ESAM: variants seen among roughly 807,000 people sequenced by gnomAD.
The protein encoded by ESAM is endothelial cell adhesion molecule.
A neutral mutation model predicts 31.8 loss-of-function variants in ESAM; 23 were observed. That is an observed-to-expected ratio of 0.72 (90% CI 0.52 to 1.03). ESAM has a LOEUF of 1.03. Among genes scored for constraint, ESAM ranks in the 50% least tolerant of loss-of-function variants. The pLI, the probability that ESAM is intolerant of heterozygous loss-of-function variation, is 0.00. For synonymous variants in ESAM, 216 were observed against 207.2 expected (o/e 1.04, Z -0.37); for missense variants, 478 against 488.9 (o/e 0.98, Z 0.21).
rs765306132 is a variant in ESAM, at chr11:124,753,870, G to C, written c.949C>G (p.Arg317Gly). ...NGTLSSVTSA[R>G]ALRPPHGPPR... ...GGGCCATGGGGTGGCCGGAGGGCTCGTGCGGAGGTGACAGAGGAAAGGGTC... is the reference window on the plus strand; with the variant it reads ...GGGCCATGGGGTGGCCGGAGGGCTCCTGCGGAGGTGACAGAGGAAAGGGTC... The change falls in exon 7 of 7, where the codon CGA (arginine) becomes GGA (glycine). Residue 317 changes from arginine (R) to glycine (G), a missense_variant. Arg to Gly is a moderately radical substitution (Grantham distance 125). Coordinates refer to ENST00000278927, the MANE Select transcript of ESAM (RefSeq NM_138961.3). 92 of 1,613,924 alleles carry C rather than the reference G, an allele frequency of 5.7e-5. No homozygotes were observed. In the East Asian group the frequency reaches 2.0e-3, roughly 34 times the overall value.
Position 124,753,803 on chromosome 11 carries a change from C to T in ESAM, c.1016G>A (p.Ser339Asn). 1 of 1,613,320 alleles carries T rather than the reference C, an allele frequency of 6.2e-7. No homozygotes were observed. ...GALTPTPSLS[S>N]QALPSPRLPT... ...CAGTCTTGGTGAGGGCAGGGCCTGGCTGGAGAGACTGGGCGTGGGGGTCAA... is the reference window on the plus strand; with the variant it reads ...CAGTCTTGGTGAGGGCAGGGCCTGGTTGGAGAGACTGGGCGTGGGGGTCAA... Residue 339 changes from serine to asparagine, a missense_variant, in exon 7 of 7, where the codon AGC (serine) becomes AAC (asparagine). By Grantham distance (46) the Ser-to-Asn change is conservative. Coordinates refer to ENST00000278927, the MANE Select transcript of ESAM (RefSeq NM_138961.3).
chr11:124,760,476 C>A (rs1052793031), intron 1 of ESAM, among the ~76,000 whole-genome samples: 6 of 152,266 alleles, frequency 3.9e-5, no homozygotes, highest in African/African-American at 1.4e-4. Context: ...GAAACTCCCC[C>A]CGCGGGCTTC....
intron 2 of ESAM, chr11:124,757,038 T>C: frequency 2.6e-6 from 1 of 380,566 alleles, no homozygotes; most frequent in Non-Finnish European, 4.9e-6. Context: ...GGTATGTATA[T>C]ATGCAACTCA....
chr11:124,756,169 C>T (rs771322750), intron 4 of ESAM, 38 bp downstream of exon 4: 1 of 1,612,062 alleles, frequency 6.2e-7, no homozygotes, highest in Non-Finnish European at 8.5e-7. Context: ...TTCCCCTTCC[C>T]CAGCCACAGT....
Position 124,753,766 on chromosome 11 carries a change from A to G in ESAM, c.1053T>C (p.Asp351=), listed in dbSNP as rs2134456364. The G allele has an allele frequency of 6.2e-7, 1 of 1,614,072 alleles. No homozygotes were observed. The highest frequency in any genetic ancestry group is 8.5e-7 in the Non-Finnish European group (1 of 1,179,980). The change falls in exon 7 of 7, where the codon GAT becomes GAC. Residue 351 remains aspartate (D), a synonymous_variant. Coordinates refer to ENST00000278927, the MANE Select transcript of ESAM (RefSeq NM_138961.3). ...ALPSPRLPTT[D]GAHPQPISPI... ...GGGATATTGGTTGAGGGTGGGCCCCATCTGTCGTGGGCAGTCTTGGTGAGG... is the reference window on the plus strand; with the variant it reads ...GGGATATTGGTTGAGGGTGGGCCCCGTCTGTCGTGGGCAGTCTTGGTGAGG...
rs1309430683 is a variant in ESAM, at chr11:124,758,357, C to T, written c.241G>A (p.Glu81Lys). Residue 81 changes from glutamate to lysine, a missense_variant, in exon 2 of 7, where the codon GAG becomes AAG. Transcript: ENST00000278927. ...AGGCGTTCTTCCCTCACCTGATCCT[C>T]CTTTTCTTTCTGTTTGAAGAACCAC... ...VMWFFKQKEK[E>K]DQVLSYINGV... The T allele has an allele frequency of 1.1e-5, 17 of 1,614,076 alleles. No homozygotes were observed. Among genetic ancestry groups the T allele is most frequent in the Non-Finnish European group, 1.4e-5 (17 of 1,180,042 alleles).
Position 124,753,479 on chromosome 11 carries a change from G to C in ESAM, c.*167C>G. ...CTTCCTCTTCTCCTTCTGTCTCCTG[G>C]ACACTTAGGTCTTACTGAGATGGTT... On this transcript the variant is annotated 3_prime_UTR_variant, in exon 7 of 7. Transcript: ENST00000278927. 1.4e-6 allele frequency: 1 copy of C among 710,752 alleles called. No homozygotes were observed. The highest frequency in any genetic ancestry group is 2.3e-6 in the Non-Finnish European group (1 of 443,664). The allele number at this position is 710,752 out of a possible 1,614,324, so 44.0% of individuals were successfully genotyped here.
rs116478728 is a variant in ESAM at position 124,754,339 on chromosome 11, C to T, written c.732G>A (p.Gly244=). Residue 244 remains glycine, a splice_region_variant and synonymous_variant, in exon 6 of 7, where the codon GGG becomes GGA. Transcript: ENST00000278927. The surrounding 1 kb of genome is among the most constrained non-coding windows in gnomAD (Gnocchi z 4.5). ...CTCCAGCAACCACTGCAGCTCCAGG[C>T]CCTGGAAAAGGCGTCGTGTCAGAGG... ...QCNVTLEVST[G]PGAAVVAGAV... 1.2e-3 allele frequency: 1,980 copies of T among 1,613,876 alleles called. 26 individuals are homozygous for T. In the African/African-American group the frequency reaches 0.024, roughly 19 times the overall value.
rs746487778 is a variant in ESAM at position 124,753,794 on chromosome 11, AG to A, written c.1024del (p.Leu342CysfsTer29). On this transcript the variant is annotated frameshift_variant, in exon 7 of 7. Transcript: ENST00000278927. LOFTEE classifies it low-confidence loss of function (END_TRUNC). ...TPTPSLSSQA[L>X]PSPRLPTTDG... ...TGTCGTGGGCAGTCTTGGTGAGGGC[AG>A]GGCCTGGCTGGAGAGACTGGGCGTG... 6.2e-7 allele frequency: 1 copy of A among 1,613,758 alleles called. No individual in the cohort carries two copies. The highest frequency in any genetic ancestry group is 8.5e-7 in the Non-Finnish European group (1 of 1,179,846).
At chr11:124,761,783 TG>T (rs1944232106) in intron 1 of ESAM, among the ~76,000 whole-genome samples, 1 of 82,840 alleles carries the variant, frequency 1.2e-5, no homozygotes, top group African/African-American at 4.7e-5. Flanking sequence ...CTCTGCTGGG[TG>T]GGGGGTGGGG....
Position 124,762,146 on chromosome 11 carries a change from G to T in ESAM, c.9C>A (p.Ser3=). 1 of 1,609,532 alleles carries T rather than the reference G, an allele frequency of 6.2e-7. No homozygotes were observed. Among genetic ancestry groups the T allele is most frequent in the South Asian group, 1.1e-5 (1 of 90,808 alleles). ...AGTTGGTCACCAGGGGCCCCGGGAG[G>T]GAAATCATGGCCCTCCCTGGCCGGG... MI[S]LPGPLVTNLL... is the part of the protein sequence containing the mutation. Residue 3 remains serine (S), a synonymous_variant, in exon 1 of 7, where the codon TCC becomes TCA. Transcript: ENST00000278927. The surrounding 1 kb of genome is among the most constrained non-coding windows in gnomAD (Gnocchi z 6.4).
In ESAM at chr11:124,762,271, G is replaced by A. The variant is rs552449934; in HGVS notation, c.-117C>T. On this transcript the variant is annotated 5_prime_UTR_variant, in exon 1 of 7. Transcript: ENST00000278927. The surrounding 1 kb of genome is among the most constrained non-coding windows in gnomAD (Gnocchi z 6.4). The stretch of plus-strand genomic sequence containing the variant: ...CGGGAGCCGAGCCGCTGACACCCAG[G>A]GCGGCTCCAGCCCAAGTCTGCGCGC... 3.0e-4 allele frequency: 234 copies of A among 770,558 alleles called. 2 individuals carry two copies. The highest frequency in any genetic ancestry group is 2.2e-3 in the South Asian group (112 of 50,204). 47.7% of individuals were successfully genotyped at this position (770,558 alleles called of 1,614,324 possible). A position where few individuals can be genotyped will look rare whatever the true frequency, so the allele number is the denominator to read the frequency against.
Position 124,756,198 on chromosome 11 carries a change from T to G in ESAM, c.607+9A>C. The stretch of plus-strand genomic sequence containing the variant: ...CCACAGTGTCCACTGTTTCCAGTAG[T>G]GTCCTCACCTAATGCTGGTGCAAAG... On this transcript the variant is annotated intron_variant, in intron 4 of 6. Transcript: ENST00000278927. The G allele has an allele frequency of 1.2e-6, 2 of 1,613,172 alleles. No homozygotes were observed. Among genetic ancestry groups the G allele is most frequent in the Non-Finnish European group, 1.7e-6 (2 of 1,179,956 alleles).
chr11:124,756,500 G>A, intron 3 of ESAM, 41 bp downstream of exon 3: 2 of 1,607,870 alleles, frequency 1.2e-6, no homozygotes, highest in Non-Finnish European at 1.7e-6. Context: ...AGACCTCCCA[G>A]TGCAGGTGGG....
rs371439555 is a variant in ESAM, at chr11:124,756,658, G to A, written c.334C>T (p.Arg112Trp). The A allele has an allele frequency of 1.2e-5, 19 of 1,614,102 alleles. No individual in the cohort carries two copies. The highest frequency in any genetic ancestry group is 6.7e-5 in the East Asian group (3 of 44,868). The change falls in exon 3 of 7, where the codon CGG (arginine) becomes TGG (tryptophan). Residue 112 changes from arginine (R) to tryptophan (W), a missense_variant. By Grantham distance (101) the Arg-to-Trp change is moderately radical (BLOSUM62 -3). Transcript: ENST00000278927. ...YSMPSRNLSLRLEGLQEKDSG... is the reference protein window; with the variant it reads ...YSMPSRNLSLWLEGLQEKDSG... ...TCTTTCTCCTGGAGACCCTCCAGCC[G>A]CAGGGACAGGTTCCGGGAGGGCATG...
rs1055985858 is a variant in ESAM, at chr11:124,755,104, C to T, written c.608-341G>A. On this transcript the variant is annotated intron_variant, in intron 4 of 6. Coordinates refer to ENST00000278927, the MANE Select transcript of ESAM (RefSeq NM_138961.3). Reference sequence around the variant, plus strand: ...GAACACTGGGGTAGGAACTGGTAAACGTGGGTTCCAGAACAGGCCATGTGA... The same window carrying T: ...GAACACTGGGGTAGGAACTGGTAAATGTGGGTTCCAGAACAGGCCATGTGA... Among the ~76,000 whole-genome samples, 6 of 152,242 alleles carry T rather than the reference C, an allele frequency of 3.9e-5. No individual in the cohort carries two copies. In the East Asian group the frequency reaches 5.8e-4, roughly 15 times the overall value.
Position 124,753,444 on chromosome 11 carries a change from TC to T in ESAM, c.*201del, listed in dbSNP as rs1944114968. 2 of 613,564 alleles carry T rather than the reference TC, an allele frequency of 3.3e-6. No homozygotes were observed. Among genetic ancestry groups the T allele is most frequent in the South Asian group, 4.3e-5 (2 of 46,962 alleles). The allele number at this position is 613,564 out of a possible 1,614,324, so 38.0% of individuals were successfully genotyped here. A position where few individuals can be genotyped will look rare whatever the true frequency, so the allele number is the denominator to read the frequency against. On this transcript the variant is annotated 3_prime_UTR_variant, in exon 7 of 7. Coordinates refer to ENST00000278927, the MANE Select transcript of ESAM (RefSeq NM_138961.3). ...GGGGTGGGTGGAGGCTCCTCCCAATTCCAGATCCACTTCCTCTTCTCCTTCT... is the reference window on the plus strand; with the variant it reads ...GGGGTGGGTGGAGGCTCCTCCCAATTCAGATCCACTTCCTCTTCTCCTTCT...
Position 124,762,018 on chromosome 11 carries a change from T to A in ESAM, c.70+67A>T. The A allele has an allele frequency of 6.9e-7, 1 of 1,442,842 alleles. No homozygotes were observed. Among genetic ancestry groups the A allele is most frequent in the Non-Finnish European group, 9.6e-7 (1 of 1,046,226 alleles). The allele number at this position is 1,442,842 out of a possible 1,614,324, so 89.4% of individuals were successfully genotyped here. ...CCAGTTCCGCAGCAGTGGCCAAAGTTCTCCCTCAGGGTCGAACTCACCCCA... is the reference window on the plus strand; with the variant it reads ...CCAGTTCCGCAGCAGTGGCCAAAGTACTCCCTCAGGGTCGAACTCACCCCA... On this transcript the variant is annotated intron_variant, in intron 1 of 6. Coordinates refer to ENST00000278927, the MANE Select transcript of ESAM (RefSeq NM_138961.3). The surrounding 1 kb of genome is among the most constrained non-coding windows in gnomAD (Gnocchi z 6.4).
At position 124,762,227 on chromosome 11, in the gene ESAM, G is replaced by C. The variant is rs1438475433; in HGVS notation, c.-73C>G. The C allele has an allele frequency of 1.6e-6, 2 of 1,235,616 alleles. No homozygotes were observed. Among genetic ancestry groups the C allele is most frequent in the Non-Finnish European group, 2.2e-6 (2 of 906,158 alleles). 76.5% of individuals were successfully genotyped at this position (1,235,616 alleles called of 1,614,324 possible). On this transcript the variant is annotated 5_prime_UTR_variant, in exon 1 of 7. Coordinates refer to ENST00000278927, the MANE Select transcript of ESAM (RefSeq NM_138961.3). This position sits in a 1 kb window ranked among gnomAD's most constrained non-coding sequence, Gnocchi z 6.4. ...ACGGACCTGCAGGTGCCGAGGCTGCGCGACGGCCGGAGCGTGCGCGGGAGC... is the reference window on the plus strand; with the variant it reads ...ACGGACCTGCAGGTGCCGAGGCTGCCCGACGGCCGGAGCGTGCGCGGGAGC...
Sources: gnomAD v4.1 joint callset for allele counts (sites outside exome capture counted in the v4.1 genomes callset) on GRCh38, gnomAD v4.1.1 for gene constraint, Gnocchi (gnomAD v3.1) non-coding constraint, MANE v1.5 for transcripts, NCBI Gene and HGNC (gene_info 2026-07-23, HGNC 2026-07-21) for gene names.